Variants in ZNF572 observed in about 807,000 individuals in gnomAD.
ZNF572 encodes the protein zinc finger protein 572.
In ZNF572, 2 loss-of-function variants were observed where a neutral mutation model predicts 3.8. The observed-to-expected ratio is 0.52, with a 90% CI of 0.21 to 1.65. ZNF572 has a LOEUF of 1.65. Ranked by LOEUF, ZNF572 falls within the 40% of genes most tolerant of loss-of-function variation. The probability of loss-of-function intolerance (pLI) is 0.20; values close to 1 mark genes in which losing one functional copy is unlikely to be tolerated. For synonymous variants in ZNF572, 187 were observed against 204.5 expected (o/e 0.91, Z 0.73); for missense variants, 581 against 633.4 (o/e 0.92, Z 0.89).
At chr8:124,975,964 T>C (rs1814500405) in intron 2 of ZNF572, among the ~76,000 whole-genome samples, 1 of 152,270 alleles carries the variant, frequency 6.6e-6, no homozygotes, top group South Asian at 2.1e-4. Flanking sequence ...TTGTTATTTC[T>C]ATAGCATTTG....
chr8:124,976,278 A>C, intron 2 of ZNF572, 70 bp from the exon 3 acceptor site: 1 of 1,337,716 alleles, frequency 7.5e-7, no homozygotes, highest in South Asian at 1.5e-5. Flanking sequence ...CCTCTCTTCC[A>C]CTGCAATTTA....
At chr8:124,975,490 G>T (rs367653973) in intron 1 of ZNF572, 116 bp from the exon 2 acceptor site, 2 of 564,360 alleles carry the variant, frequency 3.5e-6, no homozygotes, top group Non-Finnish European at 6.3e-6. Flanking sequence ...TCTTATTTTC[G>T]GTATGGTTCA....
At position 124,976,776 on chromosome 8, in the gene ZNF572, T is replaced by C; in HGVS notation, c.508T>C (p.Cys170Arg). The change falls in exon 3 of 3, where the codon TGT (cysteine) becomes CGT (arginine). Residue 170 changes from cysteine to arginine, a missense_variant. Cys to Arg is a radical substitution (Grantham distance 180, BLOSUM62 -3). Coordinates refer to ENST00000319286, the MANE Select transcript of ZNF572 (RefSeq NM_152412.3). ...ATGCTCTGAGTGTGCAAAATGTTTT[T>C]GTAACAGTTCTCACCTGATTCAGCA... ...YKCSECAKCF[C>R]NSSHLIQHLR... is the part of the protein sequence containing the mutation. 1 of 1,614,180 alleles carries C rather than the reference T, an allele frequency of 6.2e-7. No homozygotes were observed. Among genetic ancestry groups the C allele is most frequent in the Non-Finnish European group, 8.5e-7 (1 of 1,180,026 alleles).
Position 124,977,664 on chromosome 8 carries a change from A to C in ZNF572, c.1396A>C (p.Lys466Gln). ...GCACCGGAGGACCCACATAGGGGAA[A>C]AACCTTACAAATGTACCAGCTGTGA... ...IRHRRTHIGE[K>Q]PYKCTSCEKC... is the part of the protein sequence containing the mutation. Residue 466 changes from lysine to glutamine, a missense_variant, in exon 3 of 3, where the codon AAA (lysine) becomes CAA (glutamine). Physicochemically the swap from Lys to Gln is moderately conservative, Grantham distance 53. Transcript: ENST00000319286. 1 of 1,614,206 alleles carries C rather than the reference A, an allele frequency of 6.2e-7. No individual in the cohort carries two copies. Among genetic ancestry groups the C allele is most frequent in the Non-Finnish European group, 8.5e-7 (1 of 1,180,030 alleles).
In ZNF572 at chr8:124,978,613, A is replaced by G. The variant is rs1177037072; in HGVS notation, c.*755A>G. The stretch of plus-strand genomic sequence containing the variant: ...TGTGTTCTGGAGGGTTTGCTCTCCA[A>G]AAAGAATTGTAATATAGAGTAGAAT... On this transcript the variant is annotated 3_prime_UTR_variant, in exon 3 of 3. Transcript: ENST00000319286. 1.3e-5 allele frequency: 2 copies of G among 152,186 alleles called. No homozygotes were observed. The allele number at this position is 152,186 out of a possible 1,614,324, so 9.4% of individuals were successfully genotyped here. A position where few individuals can be genotyped will look rare whatever the true frequency, so the allele number is the denominator to read the frequency against.
rs1588104932 is a variant in ZNF572 at position 124,976,685 on chromosome 8, A to G, written c.417A>G (p.Lys139=). 1 of 1,614,206 alleles carries G rather than the reference A, an allele frequency of 6.2e-7. No homozygotes were observed. Among genetic ancestry groups the G allele is most frequent in the Non-Finnish European group, 8.5e-7 (1 of 1,180,008 alleles). ...DRPYKCSECW[K]SFSNSSHLRT... ...CCTATAAATGTTCCGAATGTTGGAA[A>G]AGCTTCAGTAATAGTTCTCATTTGC... Residue 139 remains lysine, a synonymous_variant, in exon 3 of 3, where the codon AAA becomes AAG. Transcript: ENST00000319286.
chr8:124,977,575 G>C lies in ZNF572; in HGVS notation c.1307G>C (p.Gly436Ala). ...GTGATTCACCAAAGGACACATACAG[G>C]AGAGAAACCTTATAAATGTCCTGAT... ...TLVIHQRTHT[G>A]EKPYKCPDCG... The change falls in exon 3 of 3, where the codon GGA becomes GCA. Residue 436 changes from glycine (G) to alanine (A), a missense_variant. By Grantham distance (60) the Gly-to-Ala change is moderately conservative (BLOSUM62 0). Coordinates refer to ENST00000319286, the MANE Select transcript of ZNF572 (RefSeq NM_152412.3). The C allele has an allele frequency of 1.2e-6, 2 of 1,614,202 alleles. No individual in the cohort carries two copies. Among genetic ancestry groups the C allele is most frequent in the Non-Finnish European group, 1.7e-6 (2 of 1,180,022 alleles).
chr8:124,975,038 C>G (rs1355967370), intron 1 of ZNF572, among the ~76,000 whole-genome samples: 1 of 152,182 alleles, frequency 6.6e-6, no homozygotes, highest in Non-Finnish European at 1.5e-5. Context: ...CCCTCTTTAG[C>G]CTCCTTTTTA....
Position 124,977,210 on chromosome 8 carries a change from T to G in ZNF572, c.942T>G (p.Thr314=), listed in dbSNP as rs1255672493. Residue 314 remains threonine (T), a synonymous_variant, in exon 3 of 3, where the codon ACT becomes ACG. Transcript: ENST00000319286. The part of the protein sequence containing the change: ...ECEKSFGCNS[T]LIKHQRIHTG... ...AAAAAAGCTTTGGTTGTAATTCTACTCTAATAAAACATCAGAGAATACATA... is the reference window on the plus strand; with the variant it reads ...AAAAAAGCTTTGGTTGTAATTCTACGCTAATAAAACATCAGAGAATACATA... 4 of 1,612,062 alleles carry G rather than the reference T, an allele frequency of 2.5e-6. No individual in the cohort carries two copies. In the Admixed American group the frequency reaches 6.7e-5, roughly 27 times the overall value.
At position 124,978,180 on chromosome 8, in the gene ZNF572, T is replaced by C; in HGVS notation, c.*322T>C. On this transcript the variant is annotated 3_prime_UTR_variant, in exon 3 of 3. Transcript: ENST00000319286. ...TGAGAACCGAAGCTAGAATTGCTAT[T>C]GAATTACTTTATTTTCTCTTCCCTT... 2 of 250,846 alleles carry C rather than the reference T, an allele frequency of 8.0e-6. No homozygotes were observed. Among genetic ancestry groups the C allele is most frequent in the African/African-American group, 4.4e-5 (2 of 44,986 alleles). 15.5% of individuals were successfully genotyped at this position (250,846 alleles called of 1,614,324 possible).
chr8:124,975,198 G>A (rs185794791), intron 1 of ZNF572, among the ~76,000 whole-genome samples: 258 of 152,208 alleles, frequency 1.7e-3, no homozygotes, highest in African/African-American at 6.0e-3. Flanking sequence ...TAAACAGGGT[G>A]CTTTTTTTCT....
Position 124,977,321 on chromosome 8 carries a change from A to G in ZNF572, c.1053A>G (p.Thr351=). 6.2e-7 allele frequency: 1 copy of G among 1,614,236 alleles called. No homozygotes were observed. The highest frequency in any genetic ancestry group is 8.5e-7 in the Non-Finnish European group (1 of 1,180,038). The part of the protein sequence containing the change: ...SNLITHQKMH[T]GEKSYESSEY... ...TTATTACACACCAGAAAATGCACAC[A>G]GGAGAGAAATCCTATGAAAGTTCTG... The change falls in exon 3 of 3, where the codon ACA becomes ACG. Residue 351 remains threonine (T), a synonymous_variant. Coordinates refer to ENST00000319286, the MANE Select transcript of ZNF572 (RefSeq NM_152412.3).
rs773539766 is a variant in ZNF572 at position 124,976,624 on chromosome 8, C to T, written c.356C>T (p.Ala119Val). The change falls in exon 3 of 3, where the codon GCC becomes GTC. Residue 119 changes from alanine (A) to valine (V), a missense_variant. By Grantham distance (64) the Ala-to-Val change is moderately conservative. Coordinates refer to ENST00000319286, the MANE Select transcript of ZNF572 (RefSeq NM_152412.3). Reference protein sequence around the residue: ...QEWDSGEHTNACVQQNSSFVD... With the variant: ...QEWDSGEHTNVCVQQNSSFVD... Reference sequence around the variant, plus strand: ...TGGGACTCAGGAGAACATACCAATGCCTGTGTCCAGCAGAATTCATCCTTT... The same window carrying T: ...TGGGACTCAGGAGAACATACCAATGTCTGTGTCCAGCAGAATTCATCCTTT... 34 of 1,614,136 alleles carry T rather than the reference C, an allele frequency of 2.1e-5. 1 individual carries two copies. In the South Asian group the frequency reaches 3.3e-4, roughly 16 times the overall value.
rs551473673 is a variant in ZNF572, at chr8:124,974,992, GATAGACTT to G, written c.-35-612_-35-605del. Among the ~76,000 whole-genome samples, 17 of 152,348 alleles carry G rather than the reference GATAGACTT, an allele frequency of 1.1e-4. 1 individual carries two copies. The East Asian group carries it at 3.3e-3, about 29-fold the overall frequency. On this transcript the variant is annotated intron_variant, in intron 1 of 2. Transcript: ENST00000319286. ...AGGCTGAAATGGATATTGTGAATAT[GATAGACTT>G]AGGAACTAAGTGCAAGGAGGAAGAG...
Position 124,979,217 on chromosome 8 carries a change from A to C in ZNF572, c.*1359A>C, listed in dbSNP as rs1416889677. Reference sequence around the variant, plus strand: ...TGCAGAGATGCATATTAGGAATGTGAAGCCAGAATGGGTCAGTTGTAGCTG... The same window carrying C: ...TGCAGAGATGCATATTAGGAATGTGCAGCCAGAATGGGTCAGTTGTAGCTG... On this transcript the variant is annotated 3_prime_UTR_variant, in exon 3 of 3. Coordinates refer to ENST00000319286, the MANE Select transcript of ZNF572 (RefSeq NM_152412.3). The C allele has an allele frequency of 6.6e-6, 1 of 152,622 alleles. No homozygotes were observed. The highest frequency in any genetic ancestry group is 1.9e-4 in the East Asian group (1 of 5,190). The allele number at this position is 152,622 out of a possible 1,614,324, so 9.5% of individuals were successfully genotyped here. A position where few individuals can be genotyped will look rare whatever the true frequency, so the allele number is the denominator to read the frequency against.
In ZNF572 at chr8:124,976,951, G is replaced by C; in HGVS notation, c.683G>C (p.Ser228Thr). The C allele has an allele frequency of 1.2e-6, 2 of 1,614,162 alleles. No homozygotes were observed. The highest frequency in any genetic ancestry group is 2.2e-5 in the South Asian group (2 of 91,080). ...GAGTGTGGGAAGAGATTCAGCAGCA[G>C]CTCTCACCTTATTCAGCATCACAGA... ...CPECGKRFSS[S>T]SHLIQHHRSH... Residue 228 changes from serine to threonine, a missense_variant, in exon 3 of 3, where the codon AGC (serine) becomes ACC (threonine). By Grantham distance (58) the Ser-to-Thr change is moderately conservative. Transcript: ENST00000319286.
intron 1 of ZNF572, 102 bp from the exon 2 acceptor site, chr8:124,975,504 A>G (rs986252724): frequency 4.5e-6 from 3 of 663,008 alleles, no homozygotes; most frequent in Non-Finnish European, 7.9e-6. Flanking sequence ...TGGTTCATGG[A>G]ACATTCTATG....
At chr8:124,975,463 C>T in intron 1 of ZNF572, 143 bp from the exon 2 acceptor site, 1 of 553,960 alleles carries the variant, frequency 1.8e-6, no homozygotes, top group Non-Finnish European at 3.2e-6. Context: ...TCTAAAAGGG[C>T]TGCTAAAAGT....
At chr8:124,975,760 G>C (rs1814498877) in intron 2 of ZNF572, 41 bp downstream of exon 2, 4 of 1,507,674 alleles carry the variant, frequency 2.7e-6, no homozygotes, top group Admixed American at 1.7e-5. Context: ...TAGGAAATTT[G>C]ATGTAGAAAG....
Sources: gnomAD v4.1 joint callset for allele counts (sites outside exome capture counted in the v4.1 genomes callset) on GRCh38, gnomAD v4.1.1 for gene constraint, MANE v1.5 for transcripts, NCBI Gene and HGNC (gene_info 2026-07-23, HGNC 2026-07-21) for gene names.